Variants in COL27A1 observed in about 807,000 individuals in gnomAD.
The protein encoded by COL27A1 is collagen alpha-1(XXVII) chain.
COL27A1 carries 106 observed loss-of-function variants against 251.3 expected under a neutral mutation model. That is an observed-to-expected ratio of 0.42 (90% CI 0.36 to 0.50). The LOEUF is 0.50. Ranked by LOEUF, COL27A1 falls within the 20% of genes least tolerant of loss-of-function variation. The probability of loss-of-function intolerance (pLI) is 0.00; values close to 1 mark genes in which losing one functional copy is unlikely to be tolerated. For synonymous variants in COL27A1, 1,000 were observed against 986.3 expected (o/e 1.01, Z -0.26); for missense variants, 2,325 against 2,522.8 (o/e 0.92, Z 1.68).
chr9:114,265,325 G>A lies in COL27A1; in HGVS notation c.3340-97G>A, dbSNP rs1458719644. 7 of 1,316,366 alleles carry A rather than the reference G, an allele frequency of 5.3e-6. No homozygotes were observed. In the African/African-American group the frequency reaches 8.8e-5, roughly 17 times the overall value. The allele number at this position is 1,316,366 out of a possible 1,614,324, so 81.5% of individuals were successfully genotyped here. The stretch of plus-strand genomic sequence containing the variant: ...TCCCATCTGTCACCCGGTGTGGGAG[G>A]AGGGGACCCAAATACACTAGGATGG... On this transcript the variant is annotated intron_variant, in intron 31 of 60. Coordinates refer to ENST00000356083, the MANE Select transcript of COL27A1 (RefSeq NM_032888.4).
rs572860631 is a variant in COL27A1, at chr9:114,298,548, A to AT, written c.4585-1514dup. On this transcript the variant is annotated intron_variant, in intron 49 of 60. Coordinates refer to ENST00000356083, the MANE Select transcript of COL27A1 (RefSeq NM_032888.4). ...GCTAGGGCAATTGAATGGGAAAAGA[A>AT]TTTTTTTTCAATAAACAGTGCTGAG... 7.2e-3 allele frequency among the ~76,000 whole-genome samples: 1,090 copies of AT among 152,260 alleles called. 6 individuals are homozygous for AT. The highest frequency in any genetic ancestry group is 0.029 in the South Asian group (142 of 4,824).
At chr9:114,209,882 C>A (rs1830226756) in intron 11 of COL27A1, among the ~76,000 whole-genome samples, 154 bp downstream of exon 11, 1 of 152,204 alleles carries the variant, frequency 6.6e-6, no homozygotes, top group African/African-American at 2.4e-5. Context: ...CAAGTCAAGG[C>A]AGATGCATTC....
chr9:114,241,634 G>A (rs946896413), intron 21 of COL27A1, among the ~76,000 whole-genome samples: 2 of 152,212 alleles, frequency 1.3e-5, no homozygotes, highest in African/African-American at 4.8e-5. Context: ...CCCTATGTAT[G>A]CCTGCCACTT....
chr9:114,281,529 T>C (rs1005602543), intron 37 of COL27A1, among the ~76,000 whole-genome samples: 9 of 152,352 alleles, frequency 5.9e-5, no homozygotes, highest in Non-Finnish European at 1.2e-4. Context: ...AGAAGGCAGC[T>C]GACCTTTCCA....
chr9:114,216,539 G>A (rs931347769), intron 12 of COL27A1, among the ~76,000 whole-genome samples: 5 of 152,228 alleles, frequency 3.3e-5, no homozygotes, highest in African/African-American at 1.2e-4. Flanking sequence ...ATGAGGCAAG[G>A]TAGTGGGTGA....
intron 19 of COL27A1, among the ~76,000 whole-genome samples, chr9:114,239,526 G>T (rs1398590564): frequency 1.3e-5 from 2 of 152,230 alleles, no homozygotes; most frequent in African/African-American, 4.8e-5. Flanking sequence ...ATTGTGCAAA[G>T]ACCACTGTGG....
intron 49 of COL27A1, among the ~76,000 whole-genome samples, chr9:114,298,592 A>G (rs1828405275): frequency 6.6e-6 from 1 of 152,246 alleles, no homozygotes; most frequent in East Asian, 1.9e-4. Context: ...ACAATCACAT[A>G]TCACGTACCA....
intron 1 of COL27A1, among the ~76,000 whole-genome samples, chr9:114,160,987 A>T (rs925666179): frequency 3.3e-5 from 5 of 152,224 alleles, no homozygotes; most frequent in African/African-American, 1.2e-4. Flanking sequence ...TTATGCTGCA[A>T]GTAACTGAAG....
At position 114,165,423 on chromosome 9, in the gene COL27A1, C is replaced by T. The variant is rs374973184; in HGVS notation, c.134-2266C>T. Among the ~76,000 whole-genome samples, 23 of 151,538 alleles carry T rather than the reference C, an allele frequency of 1.5e-4. No homozygotes were observed. The East Asian group carries it at 1.6e-3, about 10-fold the overall frequency. On this transcript the variant is annotated intron_variant, in intron 2 of 60. Coordinates refer to ENST00000356083, the MANE Select transcript of COL27A1 (RefSeq NM_032888.4). ...CCATTCATCTGCCCTTTCATCCACC[C>T]ATCCATCCATTCATCCATTTATCTA...
rs146288277 is a variant in COL27A1 at position 114,235,708 on chromosome 9, C to T, written c.2619+56C>T. The T allele has an allele frequency of 7.0e-3, 9,680 of 1,388,048 alleles. 50 individuals are homozygous for T. The highest frequency in any genetic ancestry group is 7.4e-3 in the Non-Finnish European group (7,249 of 973,710). The allele number at this position is 1,388,048 out of a possible 1,614,324, so 86.0% of individuals were successfully genotyped here. ...CCCCTGCCCCTGCCCTGCTGTTCCC[C>T]TGGTCTTGGCTTCCTTCCTAGGGTC... On this transcript the variant is annotated intron_variant, in intron 17 of 60. Transcript: ENST00000356083.
chr9:114,221,936 C>T (rs1456501508), intron 13 of COL27A1, among the ~76,000 whole-genome samples: 2 of 152,252 alleles, frequency 1.3e-5, no homozygotes, highest in Non-Finnish European at 2.9e-5. Flanking sequence ...GTCTGTATGA[C>T]CTTGATCGCG....
intron 45 of COL27A1, 79 bp downstream of exon 45, chr9:114,289,374 A>C: frequency 7.2e-7 from 1 of 1,386,542 alleles, no homozygotes; most frequent in Non-Finnish European, 9.8e-7. Flanking sequence ...CAGCAAACCA[A>C]ACGCAGGCTG....
chr9:114,288,943 A>T lies in COL27A1; in HGVS notation c.4128A>T (p.Gly1376=). Residue 1376 remains glycine, a synonymous_variant, in exon 44 of 61, where the codon GGA becomes GGT. Transcript: ENST00000356083. ...AGGAGGGTGTGCAAGGCCTCCGTGGAAAGCCAGGCCAGCAGGGCCAACCCG... is the reference window on the plus strand; with the variant it reads ...AGGAGGGTGTGCAAGGCCTCCGTGGTAAGCCAGGCCAGCAGGGCCAACCCG... ...PGQEGVQGLR[G]KPGQQGQPGH... 1 of 1,613,720 alleles carries T rather than the reference A, an allele frequency of 6.2e-7. No individual in the cohort carries two copies. The highest frequency in any genetic ancestry group is 8.5e-7 in the Non-Finnish European group (1 of 1,180,006).
intron 28 of COL27A1, among the ~76,000 whole-genome samples, chr9:114,258,837 T>C (rs1687376): frequency 0.8 from 121,615 of 152,062 alleles, 49,148 homozygotes; most frequent in African/African-American, 0.92. Context: ...TCTCCGGTAC[T>C]AGTTCTTTGT....
intron 3 of COL27A1, among the ~76,000 whole-genome samples, chr9:114,172,359 A>C (rs910610123): frequency 2.4e-4 from 37 of 152,338 alleles, no homozygotes; most frequent in African/African-American, 8.7e-4. Context: ...ATCCAGGCAC[A>C]TGCAGACTTG....
intron 2 of COL27A1, among the ~76,000 whole-genome samples, chr9:114,166,571 C>T (rs1213420714): frequency 1.3e-5 from 2 of 152,234 alleles, no homozygotes. Context: ...AGAGAGCATT[C>T]AGTACTCAGG....
At chr9:114,286,241 C>T (rs1408716928) in intron 41 of COL27A1, among the ~76,000 whole-genome samples, 2 of 152,150 alleles carry the variant, frequency 1.3e-5, no homozygotes, top group African/African-American at 4.8e-5. Flanking sequence ...TGGGGTGACC[C>T]ATTGAGCACA....
rs893315470 is a variant in COL27A1 at position 114,312,200 on chromosome 9, T to C, written c.*1505T>C. 1 of 152,182 alleles carries C rather than the reference T, an allele frequency of 6.6e-6. No individual in the cohort carries two copies. Among genetic ancestry groups the C allele is most frequent in the South Asian group, 2.1e-4 (1 of 4,824 alleles). The allele number at this position is 152,182 out of a possible 1,614,324, so 9.4% of individuals were successfully genotyped here. ...TCCTAAAGTTGTGTCTCTTTGGGAA[T>C]TGGATTTGATTTTTATTATTTAATA... On this transcript the variant is annotated 3_prime_UTR_variant, in exon 61 of 61. Coordinates refer to ENST00000356083, the MANE Select transcript of COL27A1 (RefSeq NM_032888.4).
chr9:114,160,022 G>A (rs1411740131), intron 1 of COL27A1, among the ~76,000 whole-genome samples: 1 of 152,212 alleles, frequency 6.6e-6, no homozygotes, highest in East Asian at 1.9e-4. Context: ...CTGGCCCCAT[G>A]AAAAGGCATT....
Sources: allele counts gnomAD v4.1 joint callset (sites outside exome capture counted in the v4.1 genomes callset), GRCh38; gene constraint gnomAD v4.1.1; transcripts MANE v1.5; gene names NCBI Gene and HGNC (gene_info 2026-07-23, HGNC 2026-07-21).